PDLIM2: variants seen among roughly 807,000 people sequenced by gnomAD.
PDLIM2 encodes the protein PDZ and LIM domain protein 2.
A neutral mutation model predicts 54.1 loss-of-function variants in PDLIM2; 51 were observed. That is an observed-to-expected ratio of 0.94 (90% CI 0.75 to 1.19). The LOEUF is 1.19. Among genes scored for constraint, PDLIM2 ranks in the 50% most tolerant of loss-of-function variants. The pLI is 0.00. For missense variants in PDLIM2, 912 were observed against 874.0 expected (o/e 1.04, Z -0.55); for synonymous variants, 398 against 385.6 (o/e 1.03, Z -0.38).
At chr8:22,579,604 C>T (rs2117332992) in intron 1 of PDLIM2, 1 of 1,362,034 alleles carries the variant, frequency 7.3e-7, no homozygotes, top group South Asian at 1.7e-5. Context: ...GAGGCTAGGC[C>T]TGGGCCCAAG....
chr8:22,586,052 C>G (rs551533948), intron 6 of PDLIM2, among the ~76,000 whole-genome samples: 3 of 152,250 alleles, frequency 2.0e-5, no homozygotes, highest in South Asian at 4.2e-4. Flanking sequence ...GCCAACAGCC[C>G]TGGGCCGCAG....
rs922005711 is a variant in PDLIM2, at chr8:22,580,456, C to T, written c.749-147C>T. On this transcript the variant is annotated intron_variant, in intron 1 of 9. Coordinates refer to ENST00000308354, the Ensembl canonical transcript of PDLIM2. ...GGCTGAGGGAGGGAGTTAGCCACTT[C>T]CTCTACCCACCCCAAAGCCCCTGAG... is the stretch of plus-strand genomic sequence containing the variant. 9 of 1,508,580 alleles carry T rather than the reference C, an allele frequency of 6.0e-6. No individual in the cohort carries two copies. In the African/African-American group the frequency reaches 1.3e-4, roughly 21 times the overall value. 93.4% of individuals were successfully genotyped at this position (1,508,580 alleles called of 1,614,324 possible). A position where few individuals can be genotyped will look rare whatever the true frequency, so the allele number is the denominator to read the frequency against.
downstream of PDLIM2, chr8:22,596,088 G>T (rs947820222): frequency 6.6e-6 from 1 of 152,228 alleles, no homozygotes; most frequent in Non-Finnish European, 1.5e-5. Flanking sequence ...AGCTAACCTT[G>T]CCCAGCCTCT....
At chr8:22,582,448 A>G (rs891698104) in intron 3 of PDLIM2, among the ~76,000 whole-genome samples, 62 of 152,018 alleles carry the variant, frequency 4.1e-4, no homozygotes, top group Non-Finnish European at 6.2e-4. Flanking sequence ...CTGGCAGCGG[A>G]AGGGCAGGAG....
At chr8:22,579,114 C>A in exon 1 of PDLIM2, 3 of 1,274,270 alleles carry the variant, frequency 2.4e-6, no homozygotes, top group African/African-American at 1.5e-5. Flanking sequence ...CCGGGAGCCC[C>A]GGGCGGGCTC....
intron 3 of PDLIM2, among the ~76,000 whole-genome samples, chr8:22,582,578 ATTTTTTT>A (rs778664391): frequency 7.9e-5 from 10 of 126,044 alleles, no homozygotes; most frequent in Non-Finnish European, 1.3e-4. Flanking sequence ...CAGTCTCTTA[ATTTTTTT>A]TTTTTTTTTT....
downstream of PDLIM2, chr8:22,595,893 G>A (rs1800674212): frequency 6.6e-6 from 1 of 152,450 alleles, no homozygotes; most frequent in African/African-American, 2.4e-5. Flanking sequence ...AGGCTCAAGA[G>A]ATCCTCCCAC....
intron 9 of PDLIM2, chr8:22,593,420 A>G: frequency 3.3e-6 from 1 of 301,608 alleles, no homozygotes. Flanking sequence ...TACTAAAAAT[A>G]CAAAAACTTA....
At chr8:22,594,693 G>C (rs980061588), downstream of PDLIM2, 1 of 1,577,104 alleles carries the variant, frequency 6.3e-7, no homozygotes, top group Non-Finnish European at 8.6e-7. Flanking sequence ...CAAGGGTTGG[G>C]CCCCCGGGGC....
chr8:22,589,148 T>TG (rs1190512120), intron 6 of PDLIM2, 150 bp from the exon 6 acceptor site: 1 of 684,864 alleles, frequency 1.5e-6, no homozygotes, highest in African/African-American at 2.0e-5. Flanking sequence ...CCCGACACCT[T>TG]GGCTCCAAGG....
chr8:22,579,519 G>A (rs946489052), exon 1 of PDLIM2: 1 of 1,490,826 alleles, frequency 6.7e-7, no homozygotes, highest in African/African-American at 1.4e-5. Context: ...TCCACTGACC[G>A]GCTCAAAGGT....
intron 1 of PDLIM2, chr8:22,579,813 G>A: frequency 2.7e-6 from 1 of 363,644 alleles, no homozygotes; most frequent in African/African-American, 2.1e-5. Flanking sequence ...GTCTGCAAGG[G>A]CACTTCCTTG....
At chr8:22,584,177 T>A (rs1800299359) in intron 3 of PDLIM2, among the ~76,000 whole-genome samples, 1 of 151,422 alleles carries the variant, frequency 6.6e-6, no homozygotes, top group Non-Finnish European at 1.5e-5. Context: ...TAAATTTTTT[T>A]TTTTTTTTTT....
At chr8:22,584,877 C>A (rs752802805) in exon 4 of PDLIM2, 1 of 1,614,102 alleles carries the variant, frequency 6.2e-7, no homozygotes, top group African/African-American at 1.3e-5. Flanking sequence ...GAAGTGCTGG[C>A]GACTCGCTTC....
At chr8:22,583,506 C>T (rs755555138) in intron 3 of PDLIM2, among the ~76,000 whole-genome samples, 21 of 152,290 alleles carry the variant, frequency 1.4e-4, no homozygotes, top group Non-Finnish European at 2.2e-4. Context: ...TGGCTCACAC[C>T]TGTAATTTCA....
intron 2 of PDLIM2, 143 bp downstream of exon 1, chr8:22,580,840 C>T (rs1800172704): frequency 1.4e-5 from 13 of 957,194 alleles, no homozygotes; most frequent in Non-Finnish European, 2.0e-5. Context: ...TGTAAGGGAG[C>T]CGTGGCCCTT....
chr8:22,589,135 G>GC (rs1800458730), intron 6 of PDLIM2, 163 bp from the exon 6 acceptor site: 1 of 557,914 alleles, frequency 1.8e-6, no homozygotes, highest in Non-Finnish European at 3.2e-6. Context: ...AGGGCTGGGA[G>GC]CCCCCGACAC....
downstream of PDLIM2, chr8:22,597,532 T>G (rs1199985599): frequency 6.5e-6 from 1 of 152,720 alleles, no homozygotes; most frequent in Non-Finnish European, 1.5e-5. Flanking sequence ...AGCATTGTGC[T>G]GAGACACTGC....
At chr8:22,583,854 G>GAAAAAAAAAAAAA (rs530039600) in intron 3 of PDLIM2, among the ~76,000 whole-genome samples, 1 of 79,132 alleles carries the variant, frequency 1.3e-5, no homozygotes, top group African/African-American at 5.4e-5. Context: ...AGGCAAAATA[G>GAAAAAAAAAAAAA]AAAAAAAAAA....
Sources: gnomAD v4.1 joint callset for allele counts (sites outside exome capture counted in the v4.1 genomes callset) on GRCh38, gnomAD v4.1.1 for gene constraint, MANE v1.5 for transcripts, NCBI Gene and HGNC (gene_info 2026-07-23, HGNC 2026-07-21) for gene names.